RNF180: variants seen among roughly 807,000 people sequenced by gnomAD.
RNF180 encodes the protein E3 ubiquitin-protein ligase RNF180.
In RNF180, 38 loss-of-function variants were observed where a neutral mutation model predicts 59.2. That is an observed-to-expected ratio of 0.64 (90% CI 0.50 to 0.84). RNF180 has a LOEUF of 0.84. RNF180 is among the 40% of genes least tolerant of loss of function. The pLI, the probability that RNF180 is intolerant of heterozygous loss-of-function variation, is 0.00. For missense variants in RNF180, 705 were observed against 700.9 expected (o/e 1.01, Z -0.07); for synonymous variants, 262 against 240.3 (o/e 1.09, Z -0.84).
intron 5 of RNF180, among the ~76,000 whole-genome samples, chr5:64,265,616 T>G (rs1035834491): frequency 6.6e-6 from 1 of 152,154 alleles, no homozygotes; most frequent in African/African-American, 2.4e-5. Flanking sequence ...ACCATGCTGT[T>G]TTGGTTTCTG....
At chr5:64,301,172 C>T (rs1289663628) in intron 5 of RNF180, among the ~76,000 whole-genome samples, 1 of 151,720 alleles carries the variant, frequency 6.6e-6, no homozygotes, top group Non-Finnish European at 1.5e-5. Flanking sequence ...TTTCTCTTAG[C>T]CCTTCCTACT....
chr5:64,226,291 A>G (rs1300794672), intron 5 of RNF180, among the ~76,000 whole-genome samples: 2 of 152,202 alleles, frequency 1.3e-5, no homozygotes, highest in African/African-American at 4.8e-5. Flanking sequence ...AAGTAGACAT[A>G]GGAGACTCCA....
At chr5:64,288,286 T>C (rs970808165) in intron 5 of RNF180, among the ~76,000 whole-genome samples, 55 of 152,212 alleles carry the variant, frequency 3.6e-4, no homozygotes, top group Non-Finnish European at 8.8e-5. Flanking sequence ...AGTACCATGC[T>C]TTTTTGGTTA....
intron 5 of RNF180, among the ~76,000 whole-genome samples, chr5:64,223,516 C>A (rs1282841162): frequency 6.6e-6 from 1 of 151,014 alleles, no homozygotes; most frequent in Non-Finnish European, 1.5e-5. Flanking sequence ...GAGATAATTT[C>A]TATTATTATC....
chr5:64,330,994 T>C (rs886396246), intron 7 of RNF180, among the ~76,000 whole-genome samples: 7 of 152,158 alleles, frequency 4.6e-5, no homozygotes, highest in Non-Finnish European at 7.4e-5. Flanking sequence ...GCCTGGCCTC[T>C]CCATGCTCCT....
Position 64,295,504 on chromosome 5 carries a change from A to G in RNF180, c.1228-29682A>G, listed in dbSNP as rs73761479. 4.1e-3 allele frequency among the ~76,000 whole-genome samples: 628 copies of G among 152,336 alleles called. 3 individuals are homozygous for G. The highest frequency in any genetic ancestry group is 0.015 in the African/African-American group (609 of 41,584). ...AGCTCATAATGCATAAGGTTGGAAC[A>G]TAATCGTTCATGGGGGCCTTTCAAA... On this transcript the variant is annotated intron_variant, in intron 5 of 7. Transcript: ENST00000389100.
chr5:64,352,661 A>C (rs879821272), intron 7 of RNF180, among the ~76,000 whole-genome samples: 1 of 151,998 alleles, frequency 6.6e-6, no homozygotes, highest in African/African-American at 2.4e-5. Flanking sequence ...AAAGGATTTT[A>C]AAGTAAGATA....
At position 64,214,256 on chromosome 5, in the gene RNF180, T is replaced by C; in HGVS notation, c.930T>C (p.Phe310=). The C allele has an allele frequency of 1.2e-6, 2 of 1,614,096 alleles. No individual in the cohort carries two copies. Among genetic ancestry groups the C allele is most frequent in the Non-Finnish European group, 1.7e-6 (2 of 1,180,012 alleles). Residue 310 remains phenylalanine (F), a synonymous_variant, in exon 4 of 8, where the codon TTT becomes TTC. Coordinates refer to ENST00000389100, the MANE Select transcript of RNF180 (RefSeq NM_001113561.2). ...CCCAGACACAAAGAGGAGGAGAATT[T>C]CAGTGTGGTCTAGAAGCTGCTTCAG... ...HETQTQRGGE[F]QCGLEAASVY... is the part of the protein sequence containing the mutation.
At chr5:64,179,583 A>T (rs1750457597) in intron 1 of RNF180, among the ~76,000 whole-genome samples, 1 of 152,196 alleles carries the variant, frequency 6.6e-6, no homozygotes, top group African/African-American at 2.4e-5. Flanking sequence ...TTCTAGATAC[A>T]TACAGCTTTA....
At chr5:64,361,103 A>C (rs1395302911) in intron 7 of RNF180, among the ~76,000 whole-genome samples, 3 of 151,458 alleles carry the variant, frequency 2.0e-5, no homozygotes, top group Non-Finnish European at 4.4e-5. Flanking sequence ...TGATCCATGG[A>C]AAATTGTCAC....
intron 5 of RNF180, among the ~76,000 whole-genome samples, chr5:64,306,350 G>A (rs1367015621): frequency 6.6e-6 from 1 of 151,586 alleles, no homozygotes; most frequent in Non-Finnish European, 1.5e-5. Flanking sequence ...GTAAAAAACT[G>A]TGGAAGCTTT....
chr5:64,206,313 G>A (rs1399259699), intron 2 of RNF180, among the ~76,000 whole-genome samples: 1 of 152,134 alleles, frequency 6.6e-6, no homozygotes, highest in East Asian at 1.9e-4. Flanking sequence ...TAATTATTAG[G>A]TTATGACTTC....
Position 64,230,965 on chromosome 5 carries a change from G to T in RNF180, c.1227+13569G>T, listed in dbSNP as rs114965639. On this transcript the variant is annotated intron_variant, in intron 5 of 7. Transcript: ENST00000389100. ...ATAATTTGACATAAATGATCAGATT[G>T]GTCCATTGGGTCTTGCCTAAGTAGC... Among the ~76,000 whole-genome samples, 543 of 152,222 alleles carry T rather than the reference G, an allele frequency of 3.6e-3. 3 individuals carry two copies. Among genetic ancestry groups the T allele is most frequent in the African/African-American group, 0.013 (528 of 41,548 alleles).
intron 7 of RNF180, among the ~76,000 whole-genome samples, chr5:64,347,589 G>A (rs1018133690): frequency 1.3e-5 from 2 of 152,080 alleles, no homozygotes; most frequent in Non-Finnish European, 1.5e-5. Context: ...TGCACATGAA[G>A]TAGGACATAT....
intron 1 of RNF180, among the ~76,000 whole-genome samples, chr5:64,198,537 A>G (rs539570293): frequency 1.3e-5 from 2 of 152,272 alleles, no homozygotes; most frequent in East Asian, 1.9e-4. Context: ...TTTTCCTACT[A>G]CATAGTTGTA....
At chr5:64,235,679 G>C (rs750118216) in intron 5 of RNF180, among the ~76,000 whole-genome samples, 3 of 152,046 alleles carry the variant, frequency 2.0e-5, no homozygotes, top group East Asian at 1.9e-4. Context: ...TAATCCCCAC[G>C]TGGGAGGGGA....
chr5:64,342,885 C>A (rs1745411142), intron 7 of RNF180, among the ~76,000 whole-genome samples: 1 of 152,150 alleles, frequency 6.6e-6, no homozygotes, highest in Non-Finnish European at 1.5e-5. Flanking sequence ...GCAATAAACA[C>A]AGCGTAGGTC....
chr5:64,234,023 G>A lies in RNF180; in HGVS notation c.1227+16627G>A, dbSNP rs555768672. 5.3e-5 allele frequency among the ~76,000 whole-genome samples: 8 copies of A among 152,318 alleles called. No individual in the cohort carries two copies. In the South Asian group the frequency reaches 8.3e-4, roughly 16 times the overall value. The stretch of plus-strand genomic sequence containing the variant: ...AGAAAGTTAGAAATGTCAGTAGTTT[G>A]ATATTGGAGTCCTAACTCCCCTGGT... On this transcript the variant is annotated intron_variant, in intron 5 of 7. Transcript: ENST00000389100.
At chr5:64,217,196 C>G (rs180704465) in intron 4 of RNF180, among the ~76,000 whole-genome samples, 165 bp from the exon 5 acceptor site, 2 of 152,134 alleles carry the variant, frequency 1.3e-5, no homozygotes, top group African/African-American at 4.8e-5. Context: ...ATAGTTTGTT[C>G]TTTTTTATTG....
Sources: gnomAD v4.1 joint callset for allele counts (sites outside exome capture counted in the v4.1 genomes callset) on GRCh38, gnomAD v4.1.1 for gene constraint, MANE v1.5 for transcripts, NCBI Gene and HGNC (gene_info 2026-07-23, HGNC 2026-07-21) for gene names.